The following CSGALNACT1 variants were observed in gnomAD, a reference collection of about 807,000 sequenced individuals.
CSGALNACT1 encodes chondroitin sulfate N-acetylgalactosaminyltransferase 1.
In CSGALNACT1, 52 loss-of-function variants were observed where a neutral mutation model predicts 51.0. That is an observed-to-expected ratio of 1.02 (90% CI 0.82 to 1.29). CSGALNACT1 has a LOEUF of 1.29. Ranked by LOEUF, CSGALNACT1 falls within the 50% of genes most tolerant of loss-of-function variation. The probability of loss-of-function intolerance (pLI) is 0.00; values close to 1 mark genes in which losing one functional copy is unlikely to be tolerated. For missense variants in CSGALNACT1, 935 were observed against 679.2 expected, an observed-to-expected ratio of 1.38 and a Z score of -4.19; for synonymous variants, 341 against 254.4, an observed-to-expected ratio of 1.34 and a Z score of -3.24.
In CSGALNACT1 at chr8:19,459,541, A is replaced by G. The variant is rs1016103399; in HGVS notation, c.635-899T>C. 5.9e-5 allele frequency among the ~76,000 whole-genome samples: 9 copies of G among 152,048 alleles called. No individual in the cohort carries two copies. In the East Asian group the frequency reaches 1.5e-3, roughly 26 times the overall value. The stretch of plus-strand genomic sequence containing the variant: ...CTAGAAGCATTAAAATAACACATAA[A>G]ATATTCAGTACAGTGGTATCAATAC... On this transcript the variant is annotated intron_variant, in intron 4 of 9. Coordinates refer to ENST00000454498, the Ensembl canonical transcript of CSGALNACT1.
At chr8:19,676,910 G>C (rs780734194) in intron 1 of CSGALNACT1, among the ~76,000 whole-genome samples, 18 of 152,178 alleles carry the variant, frequency 1.2e-4, no homozygotes, top group Non-Finnish European at 2.5e-4. Context: ...AGCCCGATTA[G>C]AACTGAGAGC....
chr8:19,429,627 C>T (rs2059343968), intron 6 of CSGALNACT1, among the ~76,000 whole-genome samples: 1 of 152,176 alleles, frequency 6.6e-6, no homozygotes. Flanking sequence ...CATTCATCAG[C>T]TGATAGATAT....
chr8:19,572,244 T>C (rs376779203), intron 3 of CSGALNACT1, among the ~76,000 whole-genome samples: 2 of 152,352 alleles, frequency 1.3e-5, no homozygotes, highest in Middle Eastern at 3.4e-3. Context: ...TTTACATGTT[T>C]ATCTACCTAT....
chr8:19,418,135 G>T (rs1381108626), intron 8 of CSGALNACT1, among the ~76,000 whole-genome samples: 2 of 152,120 alleles, frequency 1.3e-5, no homozygotes, highest in Non-Finnish European at 2.9e-5. Context: ...GTGATGTGTG[G>T]GAACAGTGGC....
chr8:19,617,415 T>A (rs1394647824), intron 1 of CSGALNACT1, among the ~76,000 whole-genome samples: 5 of 152,316 alleles, frequency 3.3e-5, no homozygotes, highest in African/African-American at 1.2e-4. Flanking sequence ...TCTCAGGTAT[T>A]CCTTTACAGC....
chr8:19,541,646 C>T (rs2085192448), intron 3 of CSGALNACT1, among the ~76,000 whole-genome samples: 1 of 146,218 alleles, frequency 6.8e-6, no homozygotes, highest in Non-Finnish European at 1.5e-5. Context: ...GTGATGCACC[C>T]TGTGTTGGCC....
intron 1 of CSGALNACT1, among the ~76,000 whole-genome samples, chr8:19,687,903 G>T (rs1000890221): frequency 6.6e-6 from 1 of 152,146 alleles, no homozygotes; most frequent in African/African-American, 2.4e-5. Flanking sequence ...ACCCTCAGAG[G>T]AAAAAGAATC....
intron 1 of CSGALNACT1, among the ~76,000 whole-genome samples, chr8:19,658,888 C>T (rs1743643197): frequency 6.6e-6 from 1 of 152,168 alleles, no homozygotes. Flanking sequence ...CAACACTTAT[C>T]TGGTAAATCT....
At chr8:19,428,034 T>C (rs2059048765) in intron 6 of CSGALNACT1, among the ~76,000 whole-genome samples, 1 of 152,052 alleles carries the variant, frequency 6.6e-6, no homozygotes, top group Admixed American at 6.5e-5. Context: ...ACACAATCCT[T>C]CCTCCTTCTC....
intron 1 of CSGALNACT1, among the ~76,000 whole-genome samples, chr8:19,676,539 T>C (rs530261649): frequency 2.0e-5 from 3 of 152,312 alleles, no homozygotes; most frequent in South Asian, 4.1e-4. Flanking sequence ...GAATAAAGAC[T>C]GAACGATTAT....
At chr8:19,640,598 T>C (rs1486283228) in intron 1 of CSGALNACT1, among the ~76,000 whole-genome samples, 1 of 152,242 alleles carries the variant, frequency 6.6e-6, no homozygotes, top group Non-Finnish European at 1.5e-5. Flanking sequence ...ACATTAATTC[T>C]AAGCAGATTC....
chr8:19,493,320 T>C (rs2074779822), intron 4 of CSGALNACT1, among the ~76,000 whole-genome samples: 1 of 152,180 alleles, frequency 6.6e-6, no homozygotes, highest in Non-Finnish European at 1.5e-5. Context: ...AGAGATTGTG[T>C]TATTTATTTA....
At position 19,432,633 on chromosome 8, in the gene CSGALNACT1, A is replaced by C. The variant is rs564002794; in HGVS notation, c.953+7197T>G. Among the ~76,000 whole-genome samples the C allele has an allele frequency of 9.2e-5, 14 of 151,820 alleles. No individual in the cohort carries two copies. The East Asian group carries it at 2.7e-3, about 29-fold the overall frequency. On this transcript the variant is annotated intron_variant, in intron 6 of 9. Coordinates refer to ENST00000454498, the Ensembl canonical transcript of CSGALNACT1. ...TCATTCTTTTTTCTGTTTTTTTCTG[A>C]GACTGAGTCATTGCAGTTGGCTTAT...
intron 3 of CSGALNACT1, among the ~76,000 whole-genome samples, chr8:19,588,178 A>T (rs554605697): frequency 6.6e-6 from 1 of 152,056 alleles, no homozygotes; most frequent in Non-Finnish European, 1.5e-5. Context: ...CTAGGTGACA[A>T]GAATGAAACC....
chr8:19,479,158 A>T (rs566322549), intron 4 of CSGALNACT1, among the ~76,000 whole-genome samples: 1 of 152,366 alleles, frequency 6.6e-6, no homozygotes, highest in African/African-American at 2.4e-5. Flanking sequence ...CAGAGCAGGG[A>T]GCCATCTGCG....
chr8:19,426,767 A>C (rs1375511866), intron 6 of CSGALNACT1, among the ~76,000 whole-genome samples: 1 of 152,180 alleles, frequency 6.6e-6, no homozygotes, highest in Non-Finnish European at 1.5e-5. Context: ...TTTCTACAGG[A>C]GATTTAATTT....
intron 8 of CSGALNACT1, among the ~76,000 whole-genome samples, chr8:19,408,948 A>AG (rs1359499004): frequency 2.2e-5 from 3 of 134,784 alleles, no homozygotes; most frequent in Non-Finnish European, 3.2e-5. Context: ...ATAGATATGA[A>AG]AACACACACA....
intron 1 of CSGALNACT1, among the ~76,000 whole-genome samples, chr8:19,649,819 C>CAAAGAAAAAAAAA (rs2057622389): frequency 3.4e-5 from 1 of 29,398 alleles, no homozygotes; most frequent in Non-Finnish European, 5.8e-5. Flanking sequence ...TTCCAAGTAG[C>CAAAGAAAAAAAAA]AAAAAAAAAA....
chr8:19,427,674 G>T (rs566470456), intron 6 of CSGALNACT1, among the ~76,000 whole-genome samples: 1 of 152,142 alleles, frequency 6.6e-6, no homozygotes, highest in African/African-American at 2.4e-5. Flanking sequence ...TGTAGTCCCA[G>T]CTACTTGGGA....
Sources: allele counts gnomAD v4.1 joint callset (sites outside exome capture counted in the v4.1 genomes callset), GRCh38; gene constraint gnomAD v4.1.1; transcripts MANE v1.5; gene names NCBI Gene and HGNC (gene_info 2026-07-23, HGNC 2026-07-21).